The following TAFA2 variants were observed in gnomAD, a reference collection of about 807,000 sequenced individuals.
TAFA2 encodes the protein TAFA chemokine like family member 2.
Under a neutral mutation model 18.8 loss-of-function variants are expected in TAFA2, and 7 were observed. The ratio of observed to expected loss-of-function variants is 0.37; its 90% CI spans 0.21 to 0.70. The LOEUF is 0.70. Among genes scored for constraint, TAFA2 ranks in the 30% least tolerant of loss-of-function variants. The probability of loss-of-function intolerance (pLI) is 0.53; values close to 1 mark genes in which losing one functional copy is unlikely to be tolerated. For missense variants in TAFA2, 122 were observed against 158.1 expected (o/e 0.77, Z 1.23); for synonymous variants, 60 against 54.2 (o/e 1.11, Z -0.47).
At chr12:61,841,010 A>T (rs1873149840) in intron 2 of TAFA2, among the ~76,000 whole-genome samples, 1 of 152,106 alleles carries the variant, frequency 6.6e-6, no homozygotes, top group Admixed American at 6.6e-5. Flanking sequence ...AAATGAATTC[A>T]TCAAAGACAT....
intron 2 of TAFA2, among the ~76,000 whole-genome samples, chr12:61,804,304 TAA>T (rs1166864567): frequency 2.0e-5 from 3 of 152,068 alleles, no homozygotes; most frequent in African/African-American, 7.2e-5. Context: ...TGTCTATCTT[TAA>T]ATATATGTCA....
At chr12:62,011,495 A>C (rs1272261043) in intron 1 of TAFA2, among the ~76,000 whole-genome samples, 1 of 152,158 alleles carries the variant, frequency 6.6e-6, no homozygotes, top group Non-Finnish European at 1.5e-5. Context: ...ACTCAGGGTT[A>C]AATGGATTAA....
intron 1 of TAFA2, among the ~76,000 whole-genome samples, chr12:61,929,772 T>C (rs1441557758): frequency 3.3e-5 from 5 of 151,998 alleles, no homozygotes; most frequent in Admixed American, 3.3e-4. Context: ...CCAACAATGA[T>C]AGCCTGGATT....
At chr12:62,256,098 G>A (rs1446520751) in intron 1 of TAFA2, among the ~76,000 whole-genome samples, 1 of 151,928 alleles carries the variant, frequency 6.6e-6, no homozygotes, top group Non-Finnish European at 1.5e-5. Flanking sequence ...GTGAAACCCT[G>A]TCTCTACTAA....
At chr12:62,190,687 T>C (rs2062617091) in intron 1 of TAFA2, among the ~76,000 whole-genome samples, 1 of 152,284 alleles carries the variant, frequency 6.6e-6, no homozygotes, top group African/African-American at 2.4e-5. Context: ...AATTATCAGC[T>C]TGATTCTTTA....
chr12:62,079,479 C>G, intron 1 of TAFA2, among the ~76,000 whole-genome samples: 1 of 150,022 alleles, frequency 6.7e-6, no homozygotes, highest in Non-Finnish European at 1.5e-5. Context: ...ATGGTGAAAC[C>G]CCGTCTCTAC....
At position 61,936,418 on chromosome 12, in the gene TAFA2, C is replaced by T. The variant is rs545481598; in HGVS notation, c.-1-68992G>A. Among the ~76,000 whole-genome samples the T allele has an allele frequency of 1.1e-4, 16 of 151,788 alleles. No individual in the cohort carries two copies. In the South Asian group the frequency reaches 2.9e-3, roughly 28 times the overall value. On this transcript the variant is annotated intron_variant, in intron 1 of 4. Transcript: ENST00000416284. ...CCTGTCTCTAACTAAAAATACAAAA[C>T]TTAGCCAGGTGTGGTGGTGGGCACC...
chr12:61,914,171 T>C (rs1002634402), intron 1 of TAFA2, among the ~76,000 whole-genome samples: 4 of 152,284 alleles, frequency 2.6e-5, no homozygotes, highest in Middle Eastern at 3.4e-3. Context: ...TGAAGATCCA[T>C]GGGTAGAATT....
chr12:62,079,324 C>A (rs1868284695), intron 1 of TAFA2, among the ~76,000 whole-genome samples: 1 of 151,942 alleles, frequency 6.6e-6, no homozygotes, highest in African/African-American at 2.4e-5. Context: ...TCCTGATAGG[C>A]CTCTGGGACT....
At chr12:61,784,121 G>C (rs1870624617) in intron 2 of TAFA2, among the ~76,000 whole-genome samples, 1 of 151,466 alleles carries the variant, frequency 6.6e-6, no homozygotes, top group African/African-American at 2.4e-5. Context: ...AAAGGGAGGG[G>C]AAATACTGGA....
At chr12:61,885,210 G>T (rs1875322428) in intron 1 of TAFA2, among the ~76,000 whole-genome samples, 2 of 152,108 alleles carry the variant, frequency 1.3e-5, no homozygotes, top group African/African-American at 4.8e-5. Context: ...CCATATCCAG[G>T]TCCTCTGATT....
intron 2 of TAFA2, among the ~76,000 whole-genome samples, chr12:61,802,018 A>G (rs535876361): frequency 1.3e-5 from 2 of 152,208 alleles, no homozygotes; most frequent in South Asian, 4.1e-4. Context: ...TAAAAGCTCA[A>G]TATCATTAAT....
At chr12:62,201,997 T>A (rs1248940142) in intron 1 of TAFA2, among the ~76,000 whole-genome samples, 4 of 152,224 alleles carry the variant, frequency 2.6e-5, no homozygotes, top group Admixed American at 2.6e-4. Context: ...AATTTATTTA[T>A]TTCTTCCAGA....
chr12:62,137,775 C>T (rs1870957910), intron 1 of TAFA2, among the ~76,000 whole-genome samples: 1 of 152,126 alleles, frequency 6.6e-6, no homozygotes, highest in Non-Finnish European at 1.5e-5. Context: ...CTCAACACAG[C>T]AGCCAAAGTG....
intron 1 of TAFA2, among the ~76,000 whole-genome samples, chr12:62,152,434 A>AT (rs1181266759): frequency 6.6e-6 from 1 of 152,166 alleles, no homozygotes; most frequent in Non-Finnish European, 1.5e-5. Context: ...CTCCTTAGAG[A>AT]TTTTACTTAT....
At chr12:62,161,778 T>A (rs1592374843) in intron 1 of TAFA2, among the ~76,000 whole-genome samples, 1 of 152,242 alleles carries the variant, frequency 6.6e-6, no homozygotes, top group South Asian at 2.1e-4. Flanking sequence ...TAAATAATTA[T>A]CTTGTGTGAT....
rs557353499 is a variant in TAFA2 at position 61,822,034 on chromosome 12, C to T, written c.106+45286G>A. Among the ~76,000 whole-genome samples the T allele has an allele frequency of 6.6e-5, 10 of 152,086 alleles. 2 individuals carry two copies. The highest frequency in any genetic ancestry group is 2.4e-4 in the African/African-American group (10 of 41,518). On this transcript the variant is annotated intron_variant, in intron 2 of 4. Coordinates refer to ENST00000416284, the MANE Select transcript of TAFA2 (RefSeq NM_178539.5). ...CAATTATAATATAAAGCCAGAAATG[C>T]AAGAAATGTTATGATAGGCATCATG...
chr12:62,132,299 G>GA (rs3031069), intron 1 of TAFA2, among the ~76,000 whole-genome samples: 10,862 of 147,394 alleles, frequency 0.074, 564 homozygotes, highest in East Asian at 0.21. Context: ...ACAGTTAGCA[G>GA]AAAAAAAAAA....
chr12:61,962,371 G>T (rs192926852), intron 1 of TAFA2, among the ~76,000 whole-genome samples: 31 of 151,986 alleles, frequency 2.0e-4, no homozygotes, highest in African/African-American at 7.2e-4. Context: ...GTGCTCAAAT[G>T]CATGTAACTA....
Sources: allele counts gnomAD v4.1 joint callset (sites outside exome capture counted in the v4.1 genomes callset), GRCh38; gene constraint gnomAD v4.1.1; transcripts MANE v1.5; gene names NCBI Gene and HGNC (gene_info 2026-07-23, HGNC 2026-07-21).